The following RABL2B variants were observed in gnomAD, a reference collection of about 807,000 sequenced individuals.
The protein encoded by RABL2B is rab-like protein 2B.
RABL2B carries 17 observed loss-of-function variants against 26.7 expected under a neutral mutation model. The observed-to-expected ratio is 0.64, with a 90% CI of 0.44 to 0.95. RABL2B has a LOEUF of 0.95. Ranked by LOEUF, RABL2B falls within the 40% of genes least tolerant of loss-of-function variation. The pLI is 0.00. For missense variants in RABL2B, 170 were observed against 277.2 expected, an observed-to-expected ratio of 0.61 and a Z score of 2.75; for synonymous variants, 70 against 103.9, an observed-to-expected ratio of 0.67 and a Z score of 1.99.
chr22:50,781,836 C>G (rs1164440436), intron 2 of RABL2B, among the ~76,000 whole-genome samples: 1 of 150,464 alleles, frequency 6.6e-6, no homozygotes, highest in East Asian at 2.0e-4. Flanking sequence ...ATCTTTACCA[C>G]CTTTACCCAA....
chr22:50,777,876 G>T lies in RABL2B; in HGVS notation c.137+76C>A, dbSNP rs1227029295. ...CTTCCTGGGCTGCTGGTACAAAGGT[G>T]TGGGCAGTGGGACACTGATACATGA... On this transcript the variant is annotated intron_variant, in intron 3 of 8. Transcript: ENST00000691320. 10 of 1,608,366 alleles carry T rather than the reference G, an allele frequency of 6.2e-6. No homozygotes were observed. In the African/African-American group the frequency reaches 1.3e-4, roughly 22 times the overall value.
intron 2 of RABL2B, among the ~76,000 whole-genome samples, chr22:50,781,322 G>A (rs1298471037): frequency 6.7e-6 from 1 of 149,374 alleles, no homozygotes; most frequent in Non-Finnish European, 1.5e-5. Flanking sequence ...CCAGCCTGGG[G>A]GACAGAGCGA....
At position 50,768,572 on chromosome 22, in the gene RABL2B, G is replaced by A. The variant is rs186716542; in HGVS notation, c.*204C>T. ...TACTTCTGCTTCAAGGAGATCTGGT[G>A]GGGAATTCTTCCACCAGTCCAGAGT... On this transcript the variant is annotated 3_prime_UTR_variant, in exon 9 of 9. Transcript: ENST00000691320. The A allele has an allele frequency of 4.4e-4, 552 of 1,245,290 alleles. 5 individuals carry two copies. In the African/African-American group the frequency reaches 8.0e-3, roughly 18 times the overall value. 77.1% of individuals were successfully genotyped at this position (1,245,290 alleles called of 1,614,324 possible). A position where few individuals can be genotyped will look rare whatever the true frequency, so the allele number is the denominator to read the frequency against.
At chr22:50,778,222 C>A (rs1273774399) in intron 2 of RABL2B, among the ~76,000 whole-genome samples, 2 of 150,576 alleles carry the variant, frequency 1.3e-5, no homozygotes, top group East Asian at 3.9e-4. Context: ...GCTCTCAAAT[C>A]TGTTATTTCC....
intron 5 of RABL2B, among the ~76,000 whole-genome samples, chr22:50,775,303 G>A (rs1371710108): frequency 2.6e-5 from 4 of 152,050 alleles, no homozygotes; most frequent in Admixed American, 6.5e-5. Flanking sequence ...TGAGGACTGC[G>A]TCCTGGGCAA....
chr22:50,771,170 G>A (rs1302371128), intron 5 of RABL2B: 2 of 151,812 alleles, frequency 1.3e-5, no homozygotes, highest in Non-Finnish European at 2.9e-5. Context: ...GGCCTCCTCA[G>A]TAGCTGGGAC....
rs184750262 is a variant in RABL2B at position 50,770,916 on chromosome 22, T to A, written c.298-900A>T. 3.8e-3 allele frequency among the ~76,000 whole-genome samples: 559 copies of A among 145,308 alleles called. 15 individuals are homozygous for A. Among genetic ancestry groups the A allele is most frequent in the East Asian group, 0.024 (125 of 5,108 alleles). Reference sequence around the variant, plus strand: ...ATTAATTTTTATTTTTTTATTTTTTTTTTTTTGTAGAGGCAGGCTCTCCCT... The same window carrying A: ...ATTAATTTTTATTTTTTTATTTTTTATTTTTTGTAGAGGCAGGCTCTCCCT... On this transcript the variant is annotated intron_variant, in intron 5 of 8. Coordinates refer to ENST00000691320, the MANE Select transcript of RABL2B (RefSeq NM_001130919.3).
chr22:50,780,634 C>G, intron 2 of RABL2B: 1 of 469,292 alleles, frequency 2.1e-6, no homozygotes, highest in South Asian at 1.6e-5. Context: ...TGCACTGTTT[C>G]CACCATGGTC....
At chr22:50,782,458 T>C in intron 1 of RABL2B, 111 bp from the exon 2 acceptor site, 1 of 1,476,240 alleles carries the variant, frequency 6.8e-7, no homozygotes, top group Non-Finnish European at 9.2e-7. Context: ...TGAGATATGG[T>C]ATGCAATTGA....
rs2083625620 is a variant in RABL2B at position 50,767,930 on chromosome 22, T to C, written c.*846A>G. ...TGGGTACACGAAAATCTGGAATGAA[T>C]AGCTATCTGCTCAAAAACGATTGTT... On this transcript the variant is annotated 3_prime_UTR_variant, in exon 9 of 9. Coordinates refer to ENST00000691320, the MANE Select transcript of RABL2B (RefSeq NM_001130919.3). 3.0e-6 allele frequency: 1 copy of C among 337,108 alleles called. No individual in the cohort carries two copies. The highest frequency in any genetic ancestry group is 5.8e-6 in the Non-Finnish European group (1 of 173,568). 20.9% of individuals were successfully genotyped at this position (337,108 alleles called of 1,614,324 possible). A position where few individuals can be genotyped will look rare whatever the true frequency, so the allele number is the denominator to read the frequency against.
intron 5 of RABL2B, chr22:50,772,439 C>T (rs1234509388): frequency 1.0e-6 from 1 of 985,910 alleles, no homozygotes; most frequent in African/African-American, 1.7e-5. Context: ...GCCTTCATGC[C>T]CTTCACAGGA....
intron 2 of RABL2B, among the ~76,000 whole-genome samples, chr22:50,780,374 G>A (rs1477881513): frequency 1.3e-5 from 2 of 150,136 alleles, no homozygotes; most frequent in Admixed American, 1.3e-4. Flanking sequence ...ACGCCCTTCA[G>A]ATATGATGAA....
Position 50,769,553 on chromosome 22 carries a change from C to T in RABL2B, c.410-1G>A, listed in dbSNP as rs1555916673. The stretch of plus-strand genomic sequence containing the variant: ...CTTTTTTGGGTCACGTTTATGTCTG[C>T]TGTAGAGAGAAGGTAGGACATTGGT... On this transcript the variant is annotated splice_acceptor_variant, in intron 6 of 8. Coordinates refer to ENST00000691320, the MANE Select transcript of RABL2B (RefSeq NM_001130919.3). LOFTEE classifies it high-confidence loss of function. 5.0e-6 allele frequency: 8 copies of T among 1,610,876 alleles called. No homozygotes were observed. Among genetic ancestry groups the T allele is most frequent in the Non-Finnish European group, 4.2e-6 (5 of 1,179,666 alleles).
intron 4 of RABL2B, 68 bp from the exon 5 acceptor site, chr22:50,775,919 C>G: frequency 1.2e-6 from 2 of 1,600,116 alleles, no homozygotes; most frequent in South Asian, 1.1e-5. Context: ...AGATACAACA[C>G]ACATGCGGCA....
At chr22:50,772,430 C>T (rs2084324305) in intron 5 of RABL2B, 8 of 985,864 alleles carry the variant, frequency 8.1e-6, no homozygotes, top group Non-Finnish European at 9.6e-6. Flanking sequence ...CTACAGTGAG[C>T]CTTCATGCCC....
intron 5 of RABL2B, among the ~76,000 whole-genome samples, chr22:50,770,897 TTTTA>T (rs1203052852): frequency 7.2e-6 from 1 of 138,072 alleles, no homozygotes; most frequent in Admixed American, 6.9e-5. Context: ...ACGCATTAAT[TTTTA>T]TTTTTTTATT....
chr22:50,773,705 G>T (rs1313974329), intron 5 of RABL2B, among the ~76,000 whole-genome samples: 1 of 151,478 alleles, frequency 6.6e-6, no homozygotes, highest in Non-Finnish European at 1.5e-5. Flanking sequence ...AGAGGAGCAG[G>T]TGACAATGAG....
At position 50,769,487 on chromosome 22, in the gene RABL2B, C is replaced by T. The variant is rs142730268; in HGVS notation, c.475G>A (p.Val159Ile). 7.1e-5 allele frequency: 114 copies of T among 1,611,812 alleles called. No homozygotes were observed. In the African/African-American group the frequency reaches 1.0e-3, roughly 15 times the overall value. The change falls in exon 7 of 9, where the codon GTC (valine) becomes ATC (isoleucine). Residue 159 changes from valine (V) to isoleucine (I), a missense_variant. Val to Ile is a conservative substitution (Grantham distance 29). Around this residue, in one of 2 missense-constraint regions of RABL2B, gnomAD observed 165 missense variants for 232.0 expected, o/e 0.71. Coordinates refer to ENST00000691320, the MANE Select transcript of RABL2B (RefSeq NM_001130919.3). The part of the protein sequence containing the change: ...AKKFSLPLYF[V>I]SAADGTNVVK... ...ACATTGGTACCATCAGCAGCCGAGA[C>T]GAAATACAGGGGCAGGGAGAACTTC...
At chr22:50,774,196 G>A (rs2238836) in intron 5 of RABL2B, among the ~76,000 whole-genome samples, 10,844 of 152,014 alleles carry the variant, frequency 0.071, 403 homozygotes, top group African/African-American at 0.083. Context: ...CGCCCGGCCC[G>A]TGGCAGACTT....
Sources: allele counts gnomAD v4.1 joint callset (sites outside exome capture counted in the v4.1 genomes callset), GRCh38; gene constraint gnomAD v4.1.1; regional missense constraint gnomAD v4.1.1; transcripts MANE v1.5; gene names NCBI Gene and HGNC (gene_info 2026-07-23, HGNC 2026-07-21).